The following ITPK1 variants were observed in gnomAD, a reference collection of about 807,000 sequenced individuals.
ITPK1 encodes the protein inositol 1,3,4-trisphosphate 5/6-kinase.
A neutral mutation model predicts 45.3 loss-of-function variants in ITPK1; 21 were observed. That is an observed-to-expected ratio of 0.46 (90% confidence interval 0.33 to 0.67). ITPK1 has a LOEUF of 0.67. Among genes scored for constraint, ITPK1 ranks in the 30% least tolerant of loss-of-function variants. The pLI is 0.02. For missense variants in ITPK1, 474 were observed against 573.5 expected, an observed-to-expected ratio of 0.83 and a Z score of 1.77; for synonymous variants, 258 against 253.6, an observed-to-expected ratio of 1.02 and a Z score of -0.16.
intron 4 of ITPK1, among the ~76,000 whole-genome samples, chr14:92,997,636 G>A (rs912724379): frequency 5.9e-5 from 9 of 152,154 alleles, no homozygotes; most frequent in Admixed American, 1.3e-4. Flanking sequence ...GTGAGCTTCC[G>A]TACCATTTTA....
Position 92,946,469 on chromosome 14 carries a change from C to T in ITPK1, c.763G>A (p.Glu255Lys), listed in dbSNP as rs771179774. ...TELDKIEGVF[E>K]RPSDEVIREL... The stretch of plus-strand genomic sequence containing the variant: ...CGGATGACCTCGTCGCTCGGCCGCT[C>T]GAACACGCCCTCGATCTTGTCCAGC... The change falls in exon 10 of 11, where the codon GAG becomes AAG. Residue 255 changes from glutamate (E) to lysine (K), a missense_variant. Glu to Lys is a moderately conservative substitution (Grantham distance 56). Coordinates refer to ENST00000267615, the MANE Select transcript of ITPK1 (RefSeq NM_014216.6). 22 of 1,612,760 alleles carry T rather than the reference C, an allele frequency of 1.4e-5. No homozygotes were observed. Among genetic ancestry groups the T allele is most frequent in the Admixed American group, 1.2e-4 (7 of 60,014 alleles).
chr14:92,948,031 CAT>C (rs1257524543), intron 9 of ITPK1, among the ~76,000 whole-genome samples: 1 of 152,210 alleles, frequency 6.6e-6, no homozygotes, highest in African/African-American at 2.4e-5. Flanking sequence ...GAACTTCTGA[CAT>C]ATGCCACAAA....
chr14:93,030,722 C>T (rs1889000187), intron 3 of ITPK1, among the ~76,000 whole-genome samples: 2 of 152,064 alleles, frequency 1.3e-5, no homozygotes, highest in South Asian at 4.2e-4. Context: ...ACTGTGTCCC[C>T]AAAAAACGGT....
intron 3 of ITPK1, among the ~76,000 whole-genome samples, chr14:93,019,078 C>T (rs1888338689): frequency 1.3e-5 from 2 of 152,254 alleles, no homozygotes; most frequent in East Asian, 3.8e-4. Flanking sequence ...GAACACTGGG[C>T]TCTCAGACAG....
chr14:93,031,988 T>C (rs1595153931), intron 3 of ITPK1, among the ~76,000 whole-genome samples: 1 of 152,336 alleles, frequency 6.6e-6, no homozygotes, highest in East Asian at 1.9e-4. Flanking sequence ...ACTCTTTCTA[T>C]ATTCATTGCT....
intron 2 of ITPK1, among the ~76,000 whole-genome samples, chr14:93,099,658 G>A (rs1357852389): frequency 6.6e-6 from 1 of 152,216 alleles, no homozygotes; most frequent in African/African-American, 2.4e-5. Flanking sequence ...TGAGGCACAA[G>A]GTGGGGTCCA....
chr14:92,980,967 C>A (rs563308282), intron 5 of ITPK1, among the ~76,000 whole-genome samples: 2 of 152,298 alleles, frequency 1.3e-5, no homozygotes, highest in East Asian at 3.9e-4. Flanking sequence ...CTTGGCCTCC[C>A]AAAATGCTGG....
intron 3 of ITPK1, chr14:93,066,158 C>A: frequency 2.3e-6 from 1 of 436,368 alleles, no homozygotes. Flanking sequence ...CTGTGTAGCA[C>A]AATACCTCAG....
chr14:92,966,672 A>G (rs1885380262), intron 5 of ITPK1, among the ~76,000 whole-genome samples: 1 of 152,242 alleles, frequency 6.6e-6, no homozygotes, highest in Non-Finnish European at 1.5e-5. Context: ...TGGAGGACTC[A>G]CACTTCCTCA....
rs935756226 is a variant in ITPK1, at chr14:92,938,670, T to G, written c.*2891A>C. The G allele has an allele frequency of 8.9e-5, 61 of 684,668 alleles. 1 individual carries two copies. The East Asian group carries it at 1.2e-3, about 14-fold the overall frequency. The allele number at this position is 684,668 out of a possible 1,614,324, so 42.4% of individuals were successfully genotyped here. ...AATCCCGCCGGCCATGCTGGGTGAC[T>G]GCAGGCCCAGCCCACCCACCACGTG... On this transcript the variant is annotated 3_prime_UTR_variant, in exon 11 of 11. Transcript: ENST00000267615.
intron 5 of ITPK1, among the ~76,000 whole-genome samples, chr14:92,979,913 T>C (rs955327850): frequency 1.3e-5 from 2 of 151,946 alleles, no homozygotes; most frequent in African/African-American, 4.8e-5. Context: ...CCTAAGTAGC[T>C]GTGATTACAG....
At chr14:93,109,983 T>C (rs986306049) in intron 2 of ITPK1, among the ~76,000 whole-genome samples, 2 of 152,172 alleles carry the variant, frequency 1.3e-5, no homozygotes, top group African/African-American at 4.8e-5. Flanking sequence ...CTGACAGAAT[T>C]CCAGGCACTA....
At chr14:92,946,252 T>G in intron 10 of ITPK1, 79 bp downstream of exon 10, 1 of 1,530,744 alleles carries the variant, frequency 6.5e-7, no homozygotes, top group Non-Finnish European at 8.9e-7. Flanking sequence ...CTGGCCTCAG[T>G]CACCCCGCCT....
intron 2 of ITPK1, among the ~76,000 whole-genome samples, chr14:93,081,592 G>A (rs889780890): frequency 6.6e-6 from 1 of 152,174 alleles, no homozygotes; most frequent in Non-Finnish European, 1.5e-5. Flanking sequence ...AAAATGATTC[G>A]ATCCTTTCAG....
chr14:93,002,942 G>A (rs1386744158), intron 4 of ITPK1, among the ~76,000 whole-genome samples: 2 of 152,146 alleles, frequency 1.3e-5, no homozygotes, highest in South Asian at 2.1e-4. Context: ...TCCCAGCCCT[G>A]GAGCAAGACA....
chr14:93,007,974 C>T (rs1338132429), intron 4 of ITPK1, among the ~76,000 whole-genome samples: 2 of 152,246 alleles, frequency 1.3e-5, no homozygotes, highest in Non-Finnish European at 2.9e-5. Flanking sequence ...CCCAGCGCTC[C>T]CAGGAGGCCA....
At chr14:93,002,395 T>C (rs368545496) in intron 4 of ITPK1, among the ~76,000 whole-genome samples, 2 of 152,140 alleles carry the variant, frequency 1.3e-5, no homozygotes, top group Non-Finnish European at 2.9e-5. Context: ...ACCTAGTAGG[T>C]GGCCAGGGCT....
At chr14:92,988,868 T>C (rs1230105286) in intron 5 of ITPK1, among the ~76,000 whole-genome samples, 2 of 152,180 alleles carry the variant, frequency 1.3e-5, no homozygotes, top group African/African-American at 2.4e-5. Context: ...CTGTAAAGTA[T>C]TTAACCCAGT....
chr14:93,100,455 A>G (rs8015809), intron 2 of ITPK1, among the ~76,000 whole-genome samples: 40,334 of 151,636 alleles, frequency 0.27, 6,196 homozygotes, highest in African/African-American at 0.43. Flanking sequence ...GTGAGGACTC[A>G]CCTTGCACCA....
Sources: allele counts gnomAD v4.1 joint callset (sites outside exome capture counted in the v4.1 genomes callset), GRCh38; gene constraint gnomAD v4.1.1; transcripts MANE v1.5; gene names NCBI Gene and HGNC (gene_info 2026-07-23, HGNC 2026-07-21).